The following SLC5A9 variants were observed in gnomAD, a reference collection of about 807,000 sequenced individuals.
SLC5A9 encodes the protein sodium/glucose cotransporter 4.
Under a neutral mutation model 70.9 loss-of-function variants are expected in SLC5A9, and 59 were observed. The observed-to-expected ratio is 0.83, with a 90% confidence interval of 0.68 to 1.03. SLC5A9 has a LOEUF of 1.03. Ranked by LOEUF, SLC5A9 falls within the 50% of genes least tolerant of loss-of-function variation. The pLI is 0.00. For synonymous variants in SLC5A9, 340 were observed against 346.5 expected (o/e 0.98, Z 0.21); for missense variants, 832 against 881.1 (o/e 0.94, Z 0.71).
chr1:48,230,545 C>A, intron 4 of SLC5A9, 55 bp from the exon 5 acceptor site: 2 of 1,252,394 alleles, frequency 1.6e-6, no homozygotes, highest in Non-Finnish European at 1.2e-6. Flanking sequence ...TGTGTCCATA[C>A]AACCCTACTG....
rs1264900242 is a variant in SLC5A9 at position 48,228,888 on chromosome 1, C to T, written c.273C>T (p.Gly91=). Residue 91 remains glycine, a synonymous_variant, in exon 3 of 14, where the codon GGC becomes GGT. Transcript: ENST00000438567. ...ASLMSSNVGS[G]LFIGLAGTGA... is the part of the protein sequence containing the mutation. ...TGATGTCCAGCAATGTGGGCAGTGG[C>T]TTGTTCATCGGCCTGGCTGGGACAG... 3 of 1,613,706 alleles carry T rather than the reference C, an allele frequency of 1.9e-6. No individual in the cohort carries two copies. The Admixed American group carries it at 5.0e-5, about 27-fold the overall frequency.
chr1:48,231,837 A>G (rs1049665476), intron 6 of SLC5A9, 109 bp from the exon 7 acceptor site: 6 of 1,558,240 alleles, frequency 3.9e-6, no homozygotes, highest in Non-Finnish European at 3.5e-6. Flanking sequence ...TTCACCCCCA[A>G]TCCCCATGCC....
chr1:48,243,851 G>A (rs1644419616), intron 13 of SLC5A9, among the ~76,000 whole-genome samples: 1 of 152,186 alleles, frequency 6.6e-6, no homozygotes, highest in Non-Finnish European at 1.5e-5. Flanking sequence ...TAAAAATTCA[G>A]ACACTTAATT....
At chr1:48,242,652 A>G in intron 13 of SLC5A9, 36 bp downstream of exon 13, 8 of 1,575,012 alleles carry the variant, frequency 5.1e-6, no homozygotes, top group Non-Finnish European at 6.9e-6. Flanking sequence ...CTCATCACAG[A>G]GGAACAGGGG....
Position 48,239,454 on chromosome 1 carries a change from T to C in SLC5A9, c.1594T>C (p.Tyr532His). 1.2e-6 allele frequency: 2 copies of C among 1,614,222 alleles called. No individual in the cohort carries two copies. Among genetic ancestry groups the C allele is most frequent in the Non-Finnish European group, 1.7e-6 (2 of 1,180,040 alleles). Residue 532 changes from tyrosine (Y) to histidine (H), a missense_variant, in exon 12 of 14, where the codon TAC becomes CAC. Transcript: ENST00000438567. This position sits in a 1 kb window ranked among gnomAD's most constrained non-coding sequence, Gnocchi z 4.2. Reference sequence around the variant, plus strand: ...AGTGCTGAAGGACTTCCACTACCTGTACTTTGCAATCCTCCTCTGCGGGCT... The same window carrying C: ...AGTGCTGAAGGACTTCCACTACCTGCACTTTGCAATCCTCCTCTGCGGGCT... ...PAVLKDFHYL[Y>H]FAILLCGLTA...
Position 48,229,247 on chromosome 1 carries a change from G to C in SLC5A9, c.340-48G>C, listed in dbSNP as rs77352337. 6.1e-3 allele frequency: 9,914 copies of C among 1,613,802 alleles called. 549 individuals carry two copies. In the African/African-American group the frequency reaches 0.12, roughly 19 times the overall value. On this transcript the variant is annotated intron_variant, in intron 3 of 13. Transcript: ENST00000438567. Reference sequence around the variant, plus strand: ...CCTCTGGGTGGGAAGCCGCCCCTCTGTCTACATCCAGGACCTGGATACCTT... The same window carrying C: ...CCTCTGGGTGGGAAGCCGCCCCTCTCTCTACATCCAGGACCTGGATACCTT...
chr1:48,226,566 G>A (rs1009604711), intron 2 of SLC5A9, among the ~76,000 whole-genome samples: 4 of 152,228 alleles, frequency 2.6e-5, no homozygotes, highest in Non-Finnish European at 4.4e-5. Flanking sequence ...TCTGGGTAGG[G>A]AAAGCTCAGT....
At chr1:48,227,221 C>CCTGTGTGTGTGAGTGG in intron 2 of SLC5A9, among the ~76,000 whole-genome samples, 1 of 95,890 alleles carries the variant, frequency 1.0e-5, no homozygotes, top group East Asian at 5.3e-4. Context: ...TGTGTGTGTG[C>CCTGTGTGTGTGAGTGG]ATGTGTGAGT....
Position 48,232,526 on chromosome 1 carries a change from G to C in SLC5A9, c.1033+24G>C, listed in dbSNP as rs767477282. 1.2e-5 allele frequency: 20 copies of C among 1,613,204 alleles called. No homozygotes were observed. The South Asian group carries it at 2.1e-4, about 17-fold the overall frequency. Reference sequence around the variant, plus strand: ...AGGTAAGAACGAGCCTTGCTCTCTGGGTATTGGGATCTGAGGCTTTCAAGG... The same window carrying C: ...AGGTAAGAACGAGCCTTGCTCTCTGCGTATTGGGATCTGAGGCTTTCAAGG... On this transcript the variant is annotated intron_variant, in intron 8 of 13. Coordinates refer to ENST00000438567, the MANE Select transcript of SLC5A9 (RefSeq NM_001011547.3).
intron 2 of SLC5A9, among the ~76,000 whole-genome samples, chr1:48,226,932 AGAGG>A (rs1276025766): frequency 1.3e-5 from 2 of 152,102 alleles, no homozygotes; most frequent in African/African-American, 4.8e-5. Context: ...ACCGCCTGAG[AGAGG>A]AAGAGTGAGT....
At chr1:48,230,485 A>G (rs1644232281) in intron 4 of SLC5A9, 115 bp from the exon 5 acceptor site, 1 of 701,662 alleles carries the variant, frequency 1.4e-6, no homozygotes, top group South Asian at 1.6e-5. Flanking sequence ...GCTCATTTTC[A>G]TCATGTGATG....
At position 48,244,756 on chromosome 1, in the gene SLC5A9, T is replaced by TATTATATATAA. The variant is rs1644432678; in HGVS notation, c.1837+2148_1837+2158dup. The stretch of plus-strand genomic sequence containing the variant: ...ATATAATATATATAAATTATATTTA[T>TATTATATATAA]ATTATATATAAATTATATTTATATT... On this transcript the variant is annotated intron_variant, in intron 13 of 13. Coordinates refer to ENST00000438567, the MANE Select transcript of SLC5A9 (RefSeq NM_001011547.3). Among the ~76,000 whole-genome samples the TATTATATATAA allele has an allele frequency of 4.5e-5, 6 of 134,470 alleles. No individual in the cohort carries two copies. The South Asian group carries it at 1.3e-3, about 29-fold the overall frequency. 88.2% of individuals were successfully genotyped at this position (134,470 alleles called of 152,430 possible).
At chr1:48,238,771 C>T (rs1644359696) in intron 11 of SLC5A9, among the ~76,000 whole-genome samples, 2 of 152,138 alleles carry the variant, frequency 1.3e-5, no homozygotes, top group African/African-American at 2.4e-5. Flanking sequence ...CATACTCTTA[C>T]ATGCTGGGAA....
chr1:48,227,274 T>A (rs1477847384), intron 2 of SLC5A9, among the ~76,000 whole-genome samples: 8 of 56,526 alleles, frequency 1.4e-4, no homozygotes, highest in Non-Finnish European at 2.7e-4. Flanking sequence ...TGTGTCAGAG[T>A]GTGTGTGTGT....
Position 48,247,475 on chromosome 1 carries a change from C to A in SLC5A9, c.1978C>A (p.His660Asn), listed in dbSNP as rs1424660840. 1.2e-6 allele frequency: 2 copies of A among 1,614,060 alleles called. No homozygotes were observed. The highest frequency in any genetic ancestry group is 1.7e-6 in the Non-Finnish European group (2 of 1,180,038). The change falls in exon 14 of 14, where the codon CAT becomes AAT. Residue 660 changes from histidine to asparagine, a missense_variant. By Grantham distance (68) the His-to-Asn change is moderately conservative. Coordinates refer to ENST00000438567, the MANE Select transcript of SLC5A9 (RefSeq NM_001011547.3). ...TSIEEEPLWR[H>N]VCNINAVLLL... ...CATTGAGGAGGAGCCACTCTGGAGA[C>A]ATGTCTGCAACATCAATGCTGTCCT... is the stretch of plus-strand genomic sequence containing the variant.
intron 2 of SLC5A9, among the ~76,000 whole-genome samples, chr1:48,226,644 T>C (rs1644150848): frequency 6.6e-6 from 1 of 152,156 alleles, no homozygotes; most frequent in Non-Finnish European, 1.5e-5. Flanking sequence ...CCATGAACAG[T>C]GTGGGGCTTG....
At chr1:48,240,529 G>A (rs1427435994) in intron 12 of SLC5A9, 1 of 152,216 alleles carries the variant, frequency 6.6e-6, no homozygotes, top group African/African-American at 2.4e-5. Context: ...TGGTGCTTTA[G>A]AGTTTGCAAG....
Position 48,222,877 on chromosome 1 carries a change from C to T in SLC5A9, c.141C>T (p.Phe47=), listed in dbSNP as rs767249431. ...GCGTGGTGGTCATCTACTTTGTCTT[C>T]GTCATTGCTGTGGGGATCTGGGTAA... The part of the protein sequence containing the change: ...DISVVVIYFV[F]VIAVGIWSSI... The change falls in exon 1 of 14, where the codon TTC becomes TTT. Residue 47 remains phenylalanine (F), a synonymous_variant. Transcript: ENST00000438567. 5.0e-6 allele frequency: 8 copies of T among 1,614,014 alleles called. No homozygotes were observed. The highest frequency in any genetic ancestry group is 4.5e-5 in the East Asian group (2 of 44,872).
chr1:48,245,777 A>G (rs1293455275), intron 13 of SLC5A9, among the ~76,000 whole-genome samples: 2 of 152,158 alleles, frequency 1.3e-5, no homozygotes, highest in African/African-American at 4.8e-5. Flanking sequence ...CCTGGGCAAC[A>G]TGGCAAAACC....
Sources: allele counts gnomAD v4.1 joint callset (sites outside exome capture counted in the v4.1 genomes callset), GRCh38; gene constraint gnomAD v4.1.1; non-coding constraint Gnocchi (gnomAD v3.1); transcripts MANE v1.5; gene names NCBI Gene and HGNC (gene_info 2026-07-23, HGNC 2026-07-21).